The following THBS4 variants were observed in gnomAD, a reference collection of about 807,000 sequenced individuals.
The protein encoded by THBS4 is thrombospondin-4.
THBS4 carries 90 observed loss-of-function variants against 115.7 expected under a neutral mutation model. The ratio of observed to expected loss-of-function variants is 0.78; its 90% CI spans 0.66 to 0.93. The LOEUF (loss-of-function observed/expected upper bound fraction) is 0.93. THBS4 is among the 40% of genes least tolerant of loss of function. The pLI is 0.00. For synonymous variants in THBS4, 460 were observed against 479.3 expected (o/e 0.96, Z 0.53); for missense variants, 1,087 against 1,232.7 (o/e 0.88, Z 1.77).
Position 80,070,391 on chromosome 5 carries a change from C to T in THBS4, c.1433C>T (p.Ser478Phe). ...DSYPDEELPCSARNCKKDNCK... is the reference protein window; with the variant it reads ...DSYPDEELPCFARNCKKDNCK... ...TACCCCGACGAAGAACTGCCATGCT[C>T]TGCCAGGAACTGTAAAAAGGTAAGG... The change falls in exon 11 of 22, where the codon TCT (serine) becomes TTT (phenylalanine). Residue 478 changes from serine to phenylalanine, a missense_variant. Ser to Phe is a radical substitution (Grantham distance 155). Coordinates refer to ENST00000350881, the MANE Select transcript of THBS4 (RefSeq NM_003248.6). The T allele has an allele frequency of 1.2e-6, 2 of 1,614,006 alleles. No individual in the cohort carries two copies. The highest frequency in any genetic ancestry group is 3.3e-4 in the Middle Eastern group (2 of 6,062).
In THBS4 at chr5:80,075,424, C is replaced by T. The variant is rs563624811; in HGVS notation, c.1893-1431C>T. On this transcript the variant is annotated intron_variant, in intron 15 of 21. Transcript: ENST00000350881. ...AGGGTGACATGCAGAAAACAGGGGC[C>T]GTGTTATTATTGGTATCACAGTACA... 257 of 152,218 alleles carry T rather than the reference C, an allele frequency of 1.7e-3. 1 individual carries two copies. The highest frequency in any genetic ancestry group is 5.9e-3 in the African/African-American group (246 of 41,520). 9.4% of individuals were successfully genotyped at this position (152,218 alleles called of 1,614,324 possible). A position where few individuals can be genotyped will look rare whatever the true frequency, so the allele number is the denominator to read the frequency against.
intron 2 of THBS4, among the ~76,000 whole-genome samples, chr5:80,047,834 A>G (rs1833123570): frequency 6.6e-6 from 1 of 151,004 alleles, no homozygotes; most frequent in South Asian, 2.1e-4. Flanking sequence ...CTTAGTAGAG[A>G]TGGGGTTTCA....
chr5:80,054,468 A>ACAC (rs1314992958), intron 2 of THBS4, among the ~76,000 whole-genome samples: 1 of 151,820 alleles, frequency 6.6e-6, no homozygotes, highest in Non-Finnish European at 1.5e-5. Context: ...CTATGGGCGA[A>ACAC]CACCACCATG....
chr5:79,993,603 C>CA (rs1466634399), intron 1 of THBS4, among the ~76,000 whole-genome samples: 1 of 152,026 alleles, frequency 6.6e-6, no homozygotes, highest in Non-Finnish European at 1.5e-5. Context: ...GTGTTTTCCC[C>CA]AAAAAAGAAA....
chr5:80,040,003 C>A (rs1832841484), intron 1 of THBS4, 74 bp from the exon 2 acceptor site: 1 of 1,347,684 alleles, frequency 7.4e-7, no homozygotes, highest in African/African-American at 1.4e-5. Context: ...ATTGCACCCC[C>A]CCCAAACAAA....
At chr5:80,026,236 G>C (rs1195023290) in intron 2 of THBS4, among the ~76,000 whole-genome samples, 2 of 152,168 alleles carry the variant, frequency 1.3e-5, no homozygotes, top group Non-Finnish European at 2.9e-5. Flanking sequence ...TACTTAGAAG[G>C]AGATGAACAA....
intron 21 of THBS4, among the ~76,000 whole-genome samples, 171 bp from the exon 22 acceptor site, chr5:80,082,909 T>TA (rs754322609): frequency 3.9e-5 from 6 of 152,246 alleles, no homozygotes; most frequent in Non-Finnish European, 8.8e-5. Context: ...TCCTGGGCTT[T>TA]AAGCCAACGG....
intron 2 of THBS4, among the ~76,000 whole-genome samples, chr5:80,042,776 G>T (rs546712316): frequency 1.3e-5 from 2 of 152,200 alleles, no homozygotes; most frequent in East Asian, 3.9e-4. Context: ...GAACAGCATG[G>T]CCAACATGGA....
intron 2 of THBS4, among the ~76,000 whole-genome samples, chr5:80,015,685 G>C (rs970621960): frequency 3.3e-5 from 5 of 152,164 alleles, no homozygotes; most frequent in Non-Finnish European, 5.9e-5. Context: ...GTCAGCTGTT[G>C]CAGGGAAGAC....
intron 9 of THBS4, 137 bp from the exon 10 acceptor site, chr5:80,067,833 AAAG>A (rs1833887026): frequency 3.2e-6 from 3 of 929,122 alleles, no homozygotes; most frequent in Non-Finnish European, 4.8e-6. Context: ...ACATGTAAGC[AAAG>A]AAGAAGGCAT....
At chr5:80,063,504 G>T (rs537941209) in intron 8 of THBS4, among the ~76,000 whole-genome samples, 89 of 152,260 alleles carry the variant, frequency 5.8e-4, no homozygotes, top group African/African-American at 2.0e-3. Flanking sequence ...CACTCTGATG[G>T]TAGTTTCTTT....
intron 14 of THBS4, 30 bp downstream of exon 14, chr5:80,072,426 C>G: frequency 6.4e-7 from 1 of 1,573,840 alleles, no homozygotes; most frequent in Non-Finnish European, 8.7e-7. Flanking sequence ...ATTCAAACTC[C>G]AGGCTGAATT....
chr5:80,064,664 C>T (rs527314509), intron 8 of THBS4, among the ~76,000 whole-genome samples: 2 of 151,962 alleles, frequency 1.3e-5, no homozygotes, highest in Non-Finnish European at 2.9e-5. Context: ...TCTGGGAGGT[C>T]GAGGCTGCCG....
intron 2 of THBS4, among the ~76,000 whole-genome samples, chr5:80,005,968 T>C (rs1832009655): frequency 6.6e-6 from 1 of 152,036 alleles, no homozygotes; most frequent in Admixed American, 6.6e-5. Flanking sequence ...GGTTTCACCA[T>C]GTTGGCCAGG....
chr5:80,083,143 C>T lies in THBS4; in HGVS notation c.*2C>T, dbSNP rs762409209. The T allele has an allele frequency of 2.5e-6, 4 of 1,611,412 alleles. No individual in the cohort carries two copies. The highest frequency in any genetic ancestry group is 2.2e-5 in the East Asian group (1 of 44,872). On this transcript the variant is annotated 3_prime_UTR_variant, in exon 22 of 22. Transcript: ENST00000350881. Reference sequence around the variant, plus strand: ...AATTTCGACCGCTTCGATAATTAAACCAAGGAAGCAATCTGTAACTGCTTT... The same window carrying T: ...AATTTCGACCGCTTCGATAATTAAATCAAGGAAGCAATCTGTAACTGCTTT...
At position 80,056,016 on chromosome 5, in the gene THBS4, T is replaced by C. The variant is rs1253755624; in HGVS notation, c.524T>C (p.Phe175Ser). The C allele has an allele frequency of 3.1e-6, 5 of 1,607,024 alleles. No individual in the cohort carries two copies. Among genetic ancestry groups the C allele is most frequent in the African/African-American group, 1.3e-5 (1 of 74,568 alleles). The stretch of plus-strand genomic sequence containing the variant: ...CCTGAGACCATTGAATTGAGGACTT[T>C]CCAGAGGAAGCCACAGGTAGGAACC... ...QKPETIELRT[F>S]QRKPQDFLEE... is the part of the protein sequence containing the mutation. The change falls in exon 3 of 22, where the codon TTC (phenylalanine) becomes TCC (serine). Residue 175 changes from phenylalanine (F) to serine (S), a missense_variant. Phe to Ser is a radical substitution (Grantham distance 155). This residue lies in a region of THBS4 where 979 missense variants were observed against 1,103.7 expected (regional missense o/e 0.89). Coordinates refer to ENST00000350881, the MANE Select transcript of THBS4 (RefSeq NM_003248.6).
intron 2 of THBS4, among the ~76,000 whole-genome samples, chr5:80,015,760 G>A (rs1003218766): frequency 3.9e-5 from 6 of 152,150 alleles, no homozygotes; most frequent in African/African-American, 1.4e-4. Context: ...CCAGGGTCAG[G>A]CCTTCAGTCT....
chr5:80,070,298 C>T lies in THBS4; in HGVS notation c.1348-8C>T. 6.4e-7 allele frequency: 1 copy of T among 1,567,354 alleles called. No homozygotes were observed. Among genetic ancestry groups the T allele is most frequent in the Non-Finnish European group, 8.6e-7 (1 of 1,161,068 alleles). ...TTCCCAGGCCTCTGATGGGCTTTCC[C>T]TTTACAGTGTGGAGTCGGTTGGGCT... On this transcript the variant is annotated splice_polypyrimidine_tract_variant and splice_region_variant and intron_variant, in intron 10 of 21. Transcript: ENST00000350881.
rs1037395392 is a variant in THBS4 at position 80,053,205 on chromosome 5, C to G, written c.293-2580C>G. 9.9e-5 allele frequency: 15 copies of G among 151,906 alleles called. 1 individual carries two copies. The highest frequency in any genetic ancestry group is 8.5e-4 in the Admixed American group (13 of 15,240). 9.4% of individuals were successfully genotyped at this position (151,906 alleles called of 1,614,324 possible). ...TTCTAAACCCATATTGACCTATAACCTCCTTTTTTTTTTACTTAACAAAAT... is the reference window on the plus strand; with the variant it reads ...TTCTAAACCCATATTGACCTATAACGTCCTTTTTTTTTTACTTAACAAAAT... On this transcript the variant is annotated intron_variant, in intron 2 of 21. Transcript: ENST00000350881.
Sources: allele counts gnomAD v4.1 joint callset (sites outside exome capture counted in the v4.1 genomes callset), GRCh38; gene constraint gnomAD v4.1.1; regional missense constraint gnomAD v4.1.1; transcripts MANE v1.5; gene names NCBI Gene and HGNC (gene_info 2026-07-23, HGNC 2026-07-21).